BLTP3B: variants seen among roughly 807,000 people sequenced by gnomAD.
BLTP3B encodes the protein bridge-like lipid transfer protein family member 3B.
At chr12:100,074,017 T>C in the BLTP3B span, among the ~76,000 whole-genome samples, 136 of 152,270 alleles carry the variant, frequency 8.9e-4, no homozygotes, top group African/African-American at 3.1e-3. Context: ...AAGTTCTAGC[T>C]AGAGCAATCA....
chr12:100,108,330 A>T, the BLTP3B span: 1 of 1,551,304 alleles, frequency 6.4e-7, no homozygotes, highest in Non-Finnish European at 8.6e-7. Context: ...CAAAATATAG[A>T]AGGAAAACAT....
chr12:100,041,436 T>C, the BLTP3B span, among the ~76,000 whole-genome samples: 1 of 140,938 alleles, frequency 7.1e-6, no homozygotes, highest in East Asian at 2.0e-4. Flanking sequence ...TTACTTTTTT[T>C]TTTTTTTTTT....
the BLTP3B span, among the ~76,000 whole-genome samples, chr12:100,130,999 G>A: frequency 5.1e-3 from 421 of 83,120 alleles, 5 homozygotes; most frequent in African/African-American, 0.032. Flanking sequence ...GAGAGAGAGA[G>A]AGAGAGAGAG....
At chr12:100,059,076 T>C in the BLTP3B span, 1 of 1,614,124 alleles carries the variant, frequency 6.2e-7, no homozygotes, top group Non-Finnish European at 8.5e-7. Flanking sequence ...TGACTCTGCA[T>C]ATCTTGTTGG....
the BLTP3B span, among the ~76,000 whole-genome samples, chr12:100,053,588 T>A: frequency 6.6e-6 from 1 of 152,292 alleles, no homozygotes; most frequent in South Asian, 2.1e-4. Flanking sequence ...CACATACATA[T>A]CTTTTTGTAT....
chr12:100,118,874 G>A, the BLTP3B span, among the ~76,000 whole-genome samples: 8 of 152,258 alleles, frequency 5.3e-5, no homozygotes, highest in South Asian at 1.5e-3. Context: ...AGGCCAAGGC[G>A]AGCAGATCAC....
the BLTP3B span, among the ~76,000 whole-genome samples, chr12:100,044,621 G>A: frequency 6.6e-6 from 1 of 152,152 alleles, no homozygotes; most frequent in Non-Finnish European, 1.5e-5. Flanking sequence ...TACACCGAAA[G>A]TAACTAACGT....
chr12:100,075,917 G>A, the BLTP3B span, among the ~76,000 whole-genome samples: 6 of 151,936 alleles, frequency 3.9e-5, no homozygotes, highest in African/African-American at 4.8e-5. Flanking sequence ...TACGCATGGA[G>A]ACAAAAAAGG....
the BLTP3B span, among the ~76,000 whole-genome samples, chr12:100,125,664 G>T: frequency 6.6e-6 from 1 of 151,946 alleles, no homozygotes; most frequent in African/African-American, 2.4e-5. Context: ...AGAAAATATG[G>T]GCATCCAGAT....
chr12:100,084,655 T>C, the BLTP3B span: 1 of 1,612,712 alleles, frequency 6.2e-7, no homozygotes. Context: ...ATTACAACTA[T>C]CTCCTGTAAA....
the BLTP3B span, among the ~76,000 whole-genome samples, chr12:100,106,097 A>G: frequency 6.6e-6 from 1 of 152,190 alleles, no homozygotes; most frequent in East Asian, 1.9e-4. Context: ...ATGCTTATAC[A>G]CTGCTGGTAG....
At chr12:100,121,879 G>A in the BLTP3B span, among the ~76,000 whole-genome samples, 1 of 152,028 alleles carries the variant, frequency 6.6e-6, no homozygotes, top group East Asian at 1.9e-4. Flanking sequence ...GCAGTGTATT[G>A]CCTATAAATC....
the BLTP3B span, among the ~76,000 whole-genome samples, chr12:100,118,523 A>G: frequency 6.6e-6 from 1 of 152,230 alleles, no homozygotes. Flanking sequence ...GAATGGGACC[A>G]TGGAATAGAA....
chr12:100,083,607 G>C, the BLTP3B span, among the ~76,000 whole-genome samples: 1 of 151,420 alleles, frequency 6.6e-6, no homozygotes, highest in African/African-American at 2.4e-5. Flanking sequence ...CTGAGGTGAC[G>C]AATATGCTAA....
chr12:100,112,091 G>A, the BLTP3B span, among the ~76,000 whole-genome samples: 17 of 152,164 alleles, frequency 1.1e-4, no homozygotes, highest in Non-Finnish European at 2.1e-4. Context: ...ATTCTATAAC[G>A]AGCATGTACC....
At chr12:100,063,607 G>T in the BLTP3B span, among the ~76,000 whole-genome samples, 4 of 151,804 alleles carry the variant, frequency 2.6e-5, no homozygotes, top group East Asian at 5.8e-4. Context: ...TCGGGAGGCT[G>T]AGGCGGGAGA....
the BLTP3B span, among the ~76,000 whole-genome samples, chr12:100,126,667 AAATGTT>A: frequency 2.0e-5 from 3 of 152,228 alleles, no homozygotes; most frequent in African/African-American, 4.8e-5. Flanking sequence ...GCAAGAAATT[AAATGTT>A]AAGATTAGCA....
chr12:100,122,718 C>A, the BLTP3B span, among the ~76,000 whole-genome samples: 1 of 152,164 alleles, frequency 6.6e-6, no homozygotes, highest in Non-Finnish European at 1.5e-5. Context: ...ATAGTTTGCT[C>A]CCTGCTTTAC....
the BLTP3B span, chr12:100,039,869 T>A: frequency 7.7e-7 from 1 of 1,299,054 alleles, no homozygotes. Context: ...GAAAATCTAA[T>A]TTAAAACTAA....
Sources: gnomAD v4.1 joint callset for allele counts (sites outside exome capture counted in the v4.1 genomes callset) on GRCh38, gnomAD v4.1.1 for gene constraint, MANE v1.5 for transcripts, NCBI Gene and HGNC (gene_info 2026-07-23, HGNC 2026-07-21) for gene names.